OTUD7A: variants seen among roughly 807,000 people sequenced by gnomAD.
The protein encoded by OTUD7A is OTU domain-containing protein 7A.
A neutral mutation model predicts 65.7 loss-of-function variants in OTUD7A; 12 were observed. The ratio of observed to expected loss-of-function variants is 0.18; its 90% CI spans 0.12 to 0.30. The LOEUF (loss-of-function observed/expected upper bound fraction) is 0.30. Among genes scored for constraint, OTUD7A ranks in the 10% least tolerant of loss-of-function variants. OTUD7A has a pLI of 1.00. For missense variants in OTUD7A, 1,148 were observed against 1,304.8 expected (o/e 0.88, Z 1.85); for synonymous variants, 641 against 586.3 (o/e 1.09, Z -1.35).
rs1226661839 is a variant in OTUD7A, at chr15:31,476,833, G to A, written c.*6461C>T. Reference sequence around the variant, plus strand: ...AACAGTATTTTGCCAACAACTCTTAGAAGAAAACGCATTTGGCCAAAGGAC... The same window carrying A: ...AACAGTATTTTGCCAACAACTCTTAAAAGAAAACGCATTTGGCCAAAGGAC... On this transcript the variant is annotated 3_prime_UTR_variant, in exon 13 of 13. Transcript: ENST00000307050. The A allele has an allele frequency of 2.0e-5, 3 of 152,282 alleles. No individual in the cohort carries two copies. The highest frequency in any genetic ancestry group is 7.2e-5 in the African/African-American group (3 of 41,482). The allele number at this position is 152,282 out of a possible 1,614,324, so 9.4% of individuals were successfully genotyped here.
At position 31,481,741 on chromosome 15, in the gene OTUD7A, GCCC is replaced by G. The variant is rs746991793; in HGVS notation, c.*1550_*1552del. On this transcript the variant is annotated 3_prime_UTR_variant, in exon 13 of 13. Coordinates refer to ENST00000307050, the MANE Select transcript of OTUD7A (RefSeq NM_001382637.1). ...TCAAACAAGTAAAAAAAATCCCCTC[GCCC>G]CCCCTTTTTTTTTGTTTTTGCTGCT... is the stretch of plus-strand genomic sequence containing the variant. The G allele has an allele frequency of 7.3e-5, 11 of 150,754 alleles. No individual in the cohort carries two copies. The highest frequency in any genetic ancestry group is 1.2e-4 in the African/African-American group (5 of 40,712). The allele number at this position is 150,754 out of a possible 1,614,324, so 9.3% of individuals were successfully genotyped here. A position where few individuals can be genotyped will look rare whatever the true frequency, so the allele number is the denominator to read the frequency against.
chr15:31,806,212 T>C (rs1896265505), intron 1 of OTUD7A, among the ~76,000 whole-genome samples: 2 of 152,208 alleles, frequency 1.3e-5, no homozygotes, highest in South Asian at 2.1e-4. Flanking sequence ...GTTGATATCA[T>C]TTTCTGGGTC....
At chr15:31,678,812 A>G (rs1412712080) in intron 1 of OTUD7A, among the ~76,000 whole-genome samples, 1 of 152,236 alleles carries the variant, frequency 6.6e-6, no homozygotes, top group Non-Finnish European at 1.5e-5. Flanking sequence ...CCCCCACACA[A>G]GAGTCCCCAC....
chr15:31,635,326 A>T (rs1033973555), intron 3 of OTUD7A, among the ~76,000 whole-genome samples: 7 of 152,188 alleles, frequency 4.6e-5, no homozygotes, highest in African/African-American at 1.2e-4. Flanking sequence ...CACTGCCCTC[A>T]ATTTTACAGA....
intron 1 of OTUD7A, among the ~76,000 whole-genome samples, chr15:31,740,391 T>A (rs963421122): frequency 1.3e-5 from 2 of 148,400 alleles, no homozygotes; most frequent in Non-Finnish European, 3.0e-5. Flanking sequence ...AGCTCACATG[T>A]GATGGGGCTC....
intron 3 of OTUD7A, among the ~76,000 whole-genome samples, chr15:31,651,073 C>G (rs1174333389): frequency 7.8e-6 from 1 of 128,086 alleles, no homozygotes; most frequent in Non-Finnish European, 1.6e-5. Context: ...TGAACAGAAC[C>G]ATAGAGACCT....
At chr15:31,763,185 A>G (rs1895015407) in intron 1 of OTUD7A, among the ~76,000 whole-genome samples, 1 of 152,168 alleles carries the variant, frequency 6.6e-6, no homozygotes, top group South Asian at 2.1e-4. Flanking sequence ...GGGGAGGCTG[A>G]GGCAGGAGAA....
intron 1 of OTUD7A, among the ~76,000 whole-genome samples, chr15:31,714,263 T>A (rs1183417758): frequency 6.6e-6 from 1 of 152,198 alleles, no homozygotes; most frequent in Non-Finnish European, 1.5e-5. Flanking sequence ...TAAACTACAG[T>A]ATACTCACAC....
chr15:31,554,491 G>A (rs1888427604), intron 5 of OTUD7A, among the ~76,000 whole-genome samples: 1 of 152,216 alleles, frequency 6.6e-6, no homozygotes, highest in African/African-American at 2.4e-5. Flanking sequence ...GGGTCGGGCT[G>A]ACTCAGAAGC....
chr15:31,831,327 CA>C, intron 1 of OTUD7A, among the ~76,000 whole-genome samples: 1 of 152,206 alleles, frequency 6.6e-6, no homozygotes, highest in South Asian at 2.1e-4. Flanking sequence ...TTTACTTCCC[CA>C]AAAAACTAGC....
intron 1 of OTUD7A, among the ~76,000 whole-genome samples, chr15:31,817,500 A>G (rs1175470710): frequency 1.3e-5 from 2 of 152,220 alleles, no homozygotes; most frequent in African/African-American, 4.8e-5. Context: ...AATGAATTCT[A>G]TAGAATAAGT....
intron 1 of OTUD7A, among the ~76,000 whole-genome samples, chr15:31,848,060 G>T (rs1897329467): frequency 6.6e-6 from 1 of 152,222 alleles, no homozygotes. Context: ...CACAGAGCTA[G>T]ATCATATCAA....
chr15:31,834,645 T>G (rs549584179), intron 1 of OTUD7A, among the ~76,000 whole-genome samples: 1 of 152,204 alleles, frequency 6.6e-6, no homozygotes, highest in Non-Finnish European at 1.5e-5. Context: ...GTATGTATTC[T>G]TTAGGCCAAT....
chr15:31,810,604 G>A (rs1353733269), intron 1 of OTUD7A, among the ~76,000 whole-genome samples: 3 of 152,222 alleles, frequency 2.0e-5, no homozygotes, highest in East Asian at 1.9e-4. Context: ...TGGGATTTTC[G>A]GGCTCCAGAA....
intron 1 of OTUD7A, among the ~76,000 whole-genome samples, chr15:31,709,122 A>G (rs1893373804): frequency 6.6e-6 from 1 of 151,606 alleles, no homozygotes; most frequent in African/African-American, 2.4e-5. Context: ...GTGCCCAGGA[A>G]GAGCTGTGTG....
chr15:31,777,501 G>A (rs962560933), intron 1 of OTUD7A, among the ~76,000 whole-genome samples: 2 of 142,478 alleles, frequency 1.4e-5, no homozygotes, highest in African/African-American at 5.2e-5. Flanking sequence ...TTGGGTCAGC[G>A]CTGGCACTCA....
chr15:31,665,427 TA>T (rs1358351132), intron 1 of OTUD7A, among the ~76,000 whole-genome samples: 4 of 152,184 alleles, frequency 2.6e-5, no homozygotes, highest in African/African-American at 9.6e-5. Flanking sequence ...GCAGCTGTTA[TA>T]AAAACGGTTG....
intron 3 of OTUD7A, among the ~76,000 whole-genome samples, chr15:31,630,698 C>T (rs1381103900): frequency 6.6e-6 from 1 of 152,104 alleles, no homozygotes; most frequent in African/African-American, 2.4e-5. Context: ...GTTAAAGTCT[C>T]CCATTATTAA....
At chr15:31,725,680 G>A (rs551580015) in intron 1 of OTUD7A, among the ~76,000 whole-genome samples, 1 of 152,186 alleles carries the variant, frequency 6.6e-6, no homozygotes, top group Non-Finnish European at 1.5e-5. Flanking sequence ...AAAGCTACAC[G>A]TGGCTCTGTA....
Sources: allele counts gnomAD v4.1 joint callset (sites outside exome capture counted in the v4.1 genomes callset), GRCh38; gene constraint gnomAD v4.1.1; transcripts MANE v1.5; gene names NCBI Gene and HGNC (gene_info 2026-07-23, HGNC 2026-07-21).